The following FRMD6 variants were observed in gnomAD, a reference collection of about 807,000 sequenced individuals.
FRMD6 encodes the protein FERM domain containing 6, also known as FERM domain-containing protein 6.
Under a neutral mutation model 73.2 loss-of-function variants are expected in FRMD6, and 37 were observed. The observed-to-expected ratio is 0.51, with a 90% confidence interval of 0.39 to 0.66. The LOEUF is 0.66. Ranked by LOEUF, FRMD6 falls within the 30% of genes least tolerant of loss-of-function variation. The pLI is 0.00. For synonymous variants in FRMD6, 273 were observed against 282.2 expected (o/e 0.97, Z 0.33); for missense variants, 714 against 780.5 (o/e 0.91, Z 1.02).
intron 1 of FRMD6, among the ~76,000 whole-genome samples, chr14:51,656,767 G>C (rs1208986338): frequency 6.6e-6 from 1 of 152,128 alleles, no homozygotes; most frequent in African/African-American, 2.4e-5. Flanking sequence ...TCTTAGCAGA[G>C]TTAAATTGAT....
chr14:51,423,657 C>G, the FRMD6 span, among the ~76,000 whole-genome samples: 1 of 152,164 alleles, frequency 6.6e-6, no homozygotes, highest in Non-Finnish European at 1.5e-5. Context: ...CAGGACTCTC[C>G]GGAAGGTTCT....
At chr14:51,608,479 A>T (rs1008102808) in intron 2 of FRMD6, among the ~76,000 whole-genome samples, 7 of 152,096 alleles carry the variant, frequency 4.6e-5, no homozygotes, top group African/African-American at 1.7e-4. Flanking sequence ...CCTGGCATGA[A>T]GTCATTCCTA....
intron 2 of FRMD6, among the ~76,000 whole-genome samples, chr14:51,584,633 C>A (rs962938484): frequency 2.0e-5 from 3 of 152,102 alleles, no homozygotes; most frequent in Non-Finnish European, 4.4e-5. Flanking sequence ...TAATCAGTTG[C>A]CACCATCATC....
At chr14:51,626,836 T>C (rs186169008) in intron 2 of FRMD6, among the ~76,000 whole-genome samples, 13 of 152,330 alleles carry the variant, frequency 8.5e-5, no homozygotes, top group Admixed American at 7.2e-4. Context: ...ATTGTGAAGA[T>C]TAAATAAGGT....
At chr14:51,493,441 A>G (rs1883126009) in intron 1 of FRMD6, among the ~76,000 whole-genome samples, 1 of 152,124 alleles carries the variant, frequency 6.6e-6, no homozygotes, top group Non-Finnish European at 1.5e-5. Flanking sequence ...GTGATAGTGA[A>G]TAAGTCTCAC....
At chr14:51,512,754 G>A (rs996388887) in intron 1 of FRMD6, among the ~76,000 whole-genome samples, 2 of 152,090 alleles carry the variant, frequency 1.3e-5, no homozygotes, top group Non-Finnish European at 2.9e-5. Context: ...CCCCCAGGCT[G>A]GAACCAACTC....
the FRMD6 span, among the ~76,000 whole-genome samples, chr14:51,407,014 C>A: frequency 6.6e-6 from 1 of 152,002 alleles, no homozygotes; most frequent in Non-Finnish European, 1.5e-5. Context: ...TTTATTTGAG[C>A]GTTCATTGAA....
chr14:51,441,688 T>C, the FRMD6 span, among the ~76,000 whole-genome samples: 1 of 152,202 alleles, frequency 6.6e-6, no homozygotes, highest in African/African-American at 2.4e-5. Flanking sequence ...CCCATGCGTG[T>C]AGAGTTTTAA....
chr14:51,430,739 C>T, the FRMD6 span, among the ~76,000 whole-genome samples: 1 of 152,188 alleles, frequency 6.6e-6, no homozygotes, highest in Non-Finnish European at 1.5e-5. Flanking sequence ...ACATGAACTG[C>T]ATGGTGTTTG....
intron 1 of FRMD6, among the ~76,000 whole-genome samples, chr14:51,539,152 C>CT (rs1886069275): frequency 6.6e-6 from 1 of 151,976 alleles, no homozygotes; most frequent in Admixed American, 6.6e-5. Context: ...TTCAATTTCT[C>CT]TAACACACTA....
rs562051239 is a variant in FRMD6, at chr14:51,712,419, T to G, written c.781-64T>G. 1.6e-5 allele frequency: 16 copies of G among 995,004 alleles called. No homozygotes were observed. The African/African-American group carries it at 2.4e-4, about 15-fold the overall frequency. 61.6% of individuals were successfully genotyped at this position (995,004 alleles called of 1,614,324 possible). ...GTATTTTGGTTTTCAGGGAAAGAAG[T>G]TAGAGCCATTTTACAGTATCTATCA... is the stretch of plus-strand genomic sequence containing the variant. On this transcript the variant is annotated intron_variant, in intron 8 of 13. Transcript: ENST00000344768.
chr14:51,676,888 A>G (rs1894428443), intron 1 of FRMD6, among the ~76,000 whole-genome samples: 1 of 152,126 alleles, frequency 6.6e-6, no homozygotes, highest in Non-Finnish European at 1.5e-5. Context: ...ACACATATAT[A>G]TGTATCCCTA....
chr14:51,495,769 A>G (rs1883259041), intron 1 of FRMD6, among the ~76,000 whole-genome samples: 4 of 152,342 alleles, frequency 2.6e-5, no homozygotes, highest in African/African-American at 9.6e-5. Flanking sequence ...GAGGTAGAGG[A>G]AATGCATGGG....
At chr14:51,674,806 C>T (rs1373942249) in intron 1 of FRMD6, among the ~76,000 whole-genome samples, 2 of 151,868 alleles carry the variant, frequency 1.3e-5, no homozygotes, top group African/African-American at 4.8e-5. Context: ...TGGAGGGGGA[C>T]GCACGAACCG....
At chr14:51,533,925 T>TA (rs1447191151) in intron 1 of FRMD6, among the ~76,000 whole-genome samples, 2 of 152,226 alleles carry the variant, frequency 1.3e-5, no homozygotes, top group Admixed American at 6.5e-5. Flanking sequence ...TGGATCCTTT[T>TA]ATCTCTTTCA....
At chr14:51,506,228 C>A (rs1883954968) in intron 1 of FRMD6, among the ~76,000 whole-genome samples, 1 of 152,214 alleles carries the variant, frequency 6.6e-6, no homozygotes, top group Non-Finnish European at 1.5e-5. Flanking sequence ...ACCATTCCAT[C>A]AGATCTAGCA....
chr14:51,593,805 AAT>A (rs2139750733), intron 2 of FRMD6, among the ~76,000 whole-genome samples: 1 of 152,260 alleles, frequency 6.6e-6, no homozygotes, highest in South Asian at 2.1e-4. Flanking sequence ...GGCAATTTGA[AAT>A]ATGTTATGTG....
At chr14:51,593,378 C>A (rs77706145) in intron 2 of FRMD6, among the ~76,000 whole-genome samples, 3,366 of 152,316 alleles carry the variant, frequency 0.022, 138 homozygotes, top group African/African-American at 0.077. Context: ...GAAGCAAAGA[C>A]AAATAAATCC....
At chr14:51,444,104 T>C in the FRMD6 span, among the ~76,000 whole-genome samples, 1 of 152,178 alleles carries the variant, frequency 6.6e-6, no homozygotes. Flanking sequence ...AATTTTTGTA[T>C]TTTTAGTTGA....
Sources: allele counts gnomAD v4.1 joint callset (sites outside exome capture counted in the v4.1 genomes callset), GRCh38; gene constraint gnomAD v4.1.1; transcripts MANE v1.5; gene names NCBI Gene and HGNC (gene_info 2026-07-23, HGNC 2026-07-21).